HECW2: variants seen among roughly 807,000 people sequenced by gnomAD.
HECW2 encodes the protein E3 ubiquitin-protein ligase HECW2.
Under a neutral mutation model 175.2 loss-of-function variants are expected in HECW2, and 61 were observed. That is an observed-to-expected ratio of 0.35 (90% CI 0.28 to 0.43). The LOEUF (loss-of-function observed/expected upper bound fraction) is 0.43. HECW2 is among the 20% of genes least tolerant of loss of function. The probability of loss-of-function intolerance (pLI) is 1.00; values close to 1 mark genes in which losing one functional copy is unlikely to be tolerated. For missense variants in HECW2, 1,524 were observed against 2,000.5 expected, an observed-to-expected ratio of 0.76 and a Z score of 4.54; for synonymous variants, 671 against 731.0, an observed-to-expected ratio of 0.92 and a Z score of 1.32.
intron 1 of HECW2, among the ~76,000 whole-genome samples, chr2:196,556,294 T>A (rs1689791140): frequency 6.6e-6 from 1 of 152,226 alleles, no homozygotes; most frequent in Non-Finnish European, 1.5e-5. Context: ...ATTACCTTGA[T>A]TTTGTGGCGA....
intron 1 of HECW2, among the ~76,000 whole-genome samples, chr2:196,559,296 C>A (rs1170347579): frequency 1.3e-5 from 2 of 152,188 alleles, no homozygotes; most frequent in Admixed American, 6.5e-5. Context: ...GCACATACAC[C>A]AGCCCATCAG....
At chr2:196,380,387 T>C (rs1179648201) in intron 2 of HECW2, among the ~76,000 whole-genome samples, 4 of 152,238 alleles carry the variant, frequency 2.6e-5, no homozygotes, top group Admixed American at 2.6e-4. Context: ...TGCATTTGGC[T>C]TTCCCAATTC....
At chr2:196,285,751 A>G (rs1417420190) in intron 14 of HECW2, among the ~76,000 whole-genome samples, 1 of 152,234 alleles carries the variant, frequency 6.6e-6, no homozygotes, top group African/African-American at 2.4e-5. Flanking sequence ...TATCCTCAGT[A>G]AAAAAATCGT....
rs776816722 is a variant in HECW2, at chr2:196,253,925, G to A, written c.3524C>T (p.Ser1175Leu). 2.5e-6 allele frequency: 4 copies of A among 1,613,762 alleles called. No individual in the cohort carries two copies. Among genetic ancestry groups the A allele is most frequent in the Non-Finnish European group, 2.5e-6 (3 of 1,179,840 alleles). The change falls in exon 19 of 29, where the codon TCG becomes TTG. Residue 1175 changes from serine to leucine, a missense_variant. Coordinates refer to ENST00000644978, the MANE Select transcript of HECW2 (RefSeq NM_001348768.2). ...TGAGCAGCAGGTGGACTCACCTGGCGAGTTCTGAGGAGATGACACGGGAGA... is the reference window on the plus strand; with the variant it reads ...TGAGCAGCAGGTGGACTCACCTGGCAAGTTCTGAGGAGATGACACGGGAGA... ...RGSPVSSPQN[S>L]PGTQRANARA...
rs574138746 is a variant in HECW2 at position 196,251,822 on chromosome 2, A to G, written c.3529+2098T>C. On this transcript the variant is annotated intron_variant, in intron 19 of 28. Coordinates refer to ENST00000644978, the MANE Select transcript of HECW2 (RefSeq NM_001348768.2). ...TCTCATTTTCTAATTTATCCTCCCA[A>G]TTGCCACCAGACTGATCTTTGAAAA... Among the ~76,000 whole-genome samples the G allele has an allele frequency of 5.8e-4, 88 of 152,096 alleles. 3 individuals are homozygous for G. The South Asian group carries it at 0.016, about 28-fold the overall frequency.
rs1318594486 is a variant in HECW2, at chr2:196,343,774, C to A, written c.293-10G>T. 2 of 1,528,804 alleles carry A rather than the reference C, an allele frequency of 1.3e-6. No individual in the cohort carries two copies. The highest frequency in any genetic ancestry group is 1.4e-5 in the African/African-American group (1 of 73,270). The allele number at this position is 1,528,804 out of a possible 1,614,324, so 94.7% of individuals were successfully genotyped here. A position where few individuals can be genotyped will look rare whatever the true frequency, so the allele number is the denominator to read the frequency against. On this transcript the variant is annotated splice_polypyrimidine_tract_variant and intron_variant, in intron 2 of 28. Coordinates refer to ENST00000644978, the MANE Select transcript of HECW2 (RefSeq NM_001348768.2). Reference sequence around the variant, plus strand: ...GCTGGAGAATTCTCATCTAGAAAAACCAAAGAAACACTTTTCAGATTAATT... The same window carrying A: ...GCTGGAGAATTCTCATCTAGAAAAAACAAAGAAACACTTTTCAGATTAATT...
chr2:196,318,876 G>A lies in HECW2; in HGVS notation c.2014C>T (p.Pro672Ser). 6.4e-7 allele frequency: 1 copy of A among 1,553,934 alleles called. No homozygotes were observed. Among genetic ancestry groups the A allele is most frequent in the Non-Finnish European group, 8.7e-7 (1 of 1,149,640 alleles). ...TCCTCCTCCTGAGAAGAAAAGGCTG[G>A]GGTTTCAGGAAACCGTGCGCTCTCA... ...SLESARFPET[P>S]AFSSQEEEDG... Residue 672 changes from proline (P) to serine (S), a missense_variant, in exon 9 of 29, where the codon CCA becomes TCA. Physicochemically the swap from Pro to Ser is moderately conservative, Grantham distance 74 (BLOSUM62 -1). Coordinates refer to ENST00000644978, the MANE Select transcript of HECW2 (RefSeq NM_001348768.2).
chr2:196,422,145 G>A (rs1181810377), intron 2 of HECW2, among the ~76,000 whole-genome samples: 1 of 152,110 alleles, frequency 6.6e-6, no homozygotes, highest in Non-Finnish European at 1.5e-5. Flanking sequence ...CAAAGTATGA[G>A]ACTTTCTAAC....
At chr2:196,280,930 A>C (rs1169073894) in intron 14 of HECW2, among the ~76,000 whole-genome samples, 2 of 152,226 alleles carry the variant, frequency 1.3e-5, no homozygotes, top group African/African-American at 4.8e-5. Flanking sequence ...TATTACTAAC[A>C]CAATCCTATT....
At chr2:196,515,729 G>C (rs764014114) in intron 1 of HECW2, among the ~76,000 whole-genome samples, 1 of 152,188 alleles carries the variant, frequency 6.6e-6, no homozygotes, top group Non-Finnish European at 1.5e-5. Flanking sequence ...AAAGTGGAAA[G>C]TTAATATCCT....
chr2:196,491,501 TACACACACACAC>T (rs56806806), intron 1 of HECW2, among the ~76,000 whole-genome samples: 1 of 125,944 alleles, frequency 7.9e-6, no homozygotes, highest in Non-Finnish European at 1.8e-5. Flanking sequence ...TATATATATA[TACACACACACAC>T]ACACACACAC....
chr2:196,359,666 T>G (rs754382776), intron 2 of HECW2, among the ~76,000 whole-genome samples: 8 of 152,346 alleles, frequency 5.3e-5, no homozygotes, highest in Middle Eastern at 3.4e-3. Context: ...AGTAAATTAT[T>G]CCTTTGATCT....
chr2:196,514,345 C>T (rs115000136), intron 1 of HECW2, among the ~76,000 whole-genome samples: 39 of 152,342 alleles, frequency 2.6e-4, no homozygotes, highest in African/African-American at 8.9e-4. Flanking sequence ...CACCAACCAG[C>T]ACAGGAGGAG....
chr2:196,256,096 A>G (rs184568490), intron 18 of HECW2, among the ~76,000 whole-genome samples: 1 of 152,284 alleles, frequency 6.6e-6, no homozygotes, highest in Admixed American at 6.5e-5. Flanking sequence ...TAAATAATTG[A>G]GGACATGAAT....
intron 2 of HECW2, among the ~76,000 whole-genome samples, chr2:196,404,819 C>CTTTTTTTTTTT (rs71012909): frequency 2.5e-5 from 2 of 80,374 alleles, no homozygotes; most frequent in Admixed American, 1.7e-4. Context: ...TTTTTCTTCT[C>CTTTTTTTTTTT]TTTTTTTTTT....
intron 1 of HECW2, among the ~76,000 whole-genome samples, chr2:196,576,820 T>C (rs11894509): frequency 0.086 from 13,126 of 152,222 alleles, 631 homozygotes; most frequent in Middle Eastern, 0.12. Flanking sequence ...ACATTATAAA[T>C]ATATAATTTC....
At chr2:196,265,442 GC>G (rs1192621118) in intron 17 of HECW2, among the ~76,000 whole-genome samples, 1 of 152,038 alleles carries the variant, frequency 6.6e-6, no homozygotes, top group Admixed American at 6.5e-5. Flanking sequence ...CCGAGATTGT[GC>G]CCACTGCACT....
At chr2:196,388,487 A>G (rs1694415457) in intron 2 of HECW2, among the ~76,000 whole-genome samples, 1 of 152,174 alleles carries the variant, frequency 6.6e-6, no homozygotes, top group Admixed American at 6.6e-5. Flanking sequence ...TGCTATTATC[A>G]TTCCCATGTT....
At chr2:196,364,873 G>A (rs1693701773) in intron 2 of HECW2, among the ~76,000 whole-genome samples, 1 of 152,182 alleles carries the variant, frequency 6.6e-6, no homozygotes, top group Non-Finnish European at 1.5e-5. Flanking sequence ...GCTCACTCAA[G>A]GCATTGGCAT....
Sources: gnomAD v4.1 joint callset for allele counts (sites outside exome capture counted in the v4.1 genomes callset) on GRCh38, gnomAD v4.1.1 for gene constraint, MANE v1.5 for transcripts, NCBI Gene and HGNC (gene_info 2026-07-23, HGNC 2026-07-21) for gene names.